The following TENM2 variants were observed in gnomAD, a reference collection of about 807,000 sequenced individuals.
TENM2 encodes the protein teneurin transmembrane protein 2.
A neutral mutation model predicts 245.2 loss-of-function variants in TENM2; 52 were observed. That is an observed-to-expected ratio of 0.21 (90% confidence interval 0.17 to 0.27). The LOEUF is 0.27. Among genes scored for constraint, TENM2 ranks in the 10% least tolerant of loss-of-function variants. The pLI is 1.00. For missense variants in TENM2, 3,046 were observed against 3,666.8 expected, an observed-to-expected ratio of 0.83 and a Z score of 4.37; for synonymous variants, 1,363 against 1,438.9, an observed-to-expected ratio of 0.95 and a Z score of 1.19.
the TENM2 span, among the ~76,000 whole-genome samples, chr5:167,242,815 A>T: frequency 6.6e-6 from 1 of 152,198 alleles, no homozygotes; most frequent in Non-Finnish European, 1.5e-5. Context: ...CAAAAGTAAT[A>T]CACAGACTTT....
At chr5:167,841,388 G>T (rs1331970965) in intron 2 of TENM2, among the ~76,000 whole-genome samples, 1 of 152,034 alleles carries the variant, frequency 6.6e-6, no homozygotes, top group African/African-American at 2.4e-5. Flanking sequence ...TTAACATTTT[G>T]ATATAATTTC....
At chr5:167,821,977 T>A (rs894296665) in intron 2 of TENM2, among the ~76,000 whole-genome samples, 1 of 152,184 alleles carries the variant, frequency 6.6e-6, no homozygotes, top group African/African-American at 2.4e-5. Flanking sequence ...GGAAAAGTTT[T>A]ATCTTCATGG....
chr5:167,770,892 C>T (rs1229199141), intron 2 of TENM2, among the ~76,000 whole-genome samples: 2 of 152,022 alleles, frequency 1.3e-5, no homozygotes. Flanking sequence ...TGGGGAGGAC[C>T]ATGGCTGAGA....
At chr5:167,565,368 C>T (rs1422616613) in intron 2 of TENM2, among the ~76,000 whole-genome samples, 3 of 152,198 alleles carry the variant, frequency 2.0e-5, no homozygotes, top group African/African-American at 2.4e-5. Flanking sequence ...ATATCATCAT[C>T]AGCTAATATT....
chr5:167,261,065 C>A, the TENM2 span, among the ~76,000 whole-genome samples: 2 of 152,292 alleles, frequency 1.3e-5, no homozygotes, highest in African/African-American at 4.8e-5. Context: ...CCAGGACCAG[C>A]TGCATCAGCA....
chr5:167,209,409 G>A, the TENM2 span, among the ~76,000 whole-genome samples: 8 of 151,718 alleles, frequency 5.3e-5, no homozygotes, highest in African/African-American at 7.2e-5. Context: ...GATTACAGGC[G>A]CCTGCCACCA....
intron 2 of TENM2, among the ~76,000 whole-genome samples, chr5:167,832,831 ACGT>A (rs2151100999): frequency 6.6e-6 from 1 of 152,146 alleles, no homozygotes; most frequent in East Asian, 2.0e-4. Context: ...ATTGTGCAAT[ACGT>A]CTTCTCAATT....
the TENM2 span, among the ~76,000 whole-genome samples, chr5:167,158,428 A>T: frequency 1.3e-5 from 2 of 152,002 alleles, no homozygotes; most frequent in East Asian, 1.9e-4. Context: ...ATATCCCTAG[A>T]TCTCATGGTT....
intron 5 of TENM2, among the ~76,000 whole-genome samples, chr5:168,004,825 C>T (rs1352471846): frequency 1.5e-5 from 2 of 135,806 alleles, no homozygotes; most frequent in African/African-American, 2.8e-5. Flanking sequence ...TGCTCTGTCA[C>T]GGTTAATTTT....
chr5:167,963,741 C>T (rs1709587330), intron 4 of TENM2, among the ~76,000 whole-genome samples: 2 of 152,106 alleles, frequency 1.3e-5, no homozygotes, highest in African/African-American at 4.8e-5. Context: ...TTGATGTCCC[C>T]ATCAGTCTTA....
chr5:167,490,878 G>A (rs1768389554), intron 2 of TENM2, among the ~76,000 whole-genome samples: 1 of 152,172 alleles, frequency 6.6e-6, no homozygotes, highest in Admixed American at 6.5e-5. Flanking sequence ...AGGTAAGGTA[G>A]TTAAGTTCAG....
chr5:167,416,406 G>C (rs1167893602), intron 2 of TENM2, among the ~76,000 whole-genome samples: 1 of 152,092 alleles, frequency 6.6e-6, no homozygotes. Flanking sequence ...ACATTGCTGG[G>C]GTTGTTTTGA....
intron 1 of TENM2, among the ~76,000 whole-genome samples, chr5:167,285,271 TCTC>T (rs1485793460): frequency 6.6e-6 from 1 of 152,108 alleles, no homozygotes; most frequent in Non-Finnish European, 1.5e-5. Flanking sequence ...TCAAAACTAT[TCTC>T]CTCATAGTCC....
intron 2 of TENM2, among the ~76,000 whole-genome samples, chr5:167,513,334 T>C (rs1770096066): frequency 6.6e-6 from 1 of 152,132 alleles, no homozygotes; most frequent in African/African-American, 2.4e-5. Flanking sequence ...CAATAAAATA[T>C]AGAATATCAT....
At chr5:167,640,882 T>TATATATATGG (rs1554094286) in intron 2 of TENM2, among the ~76,000 whole-genome samples, 8 of 67,502 alleles carry the variant, frequency 1.2e-4, no homozygotes, top group African/African-American at 7.7e-4. Context: ...TATATATATA[T>TATATATATGG]ATATATATAT....
chr5:168,006,443 C>A (rs1047505444), intron 5 of TENM2, among the ~76,000 whole-genome samples: 2 of 152,134 alleles, frequency 1.3e-5, no homozygotes, highest in Non-Finnish European at 2.9e-5. Flanking sequence ...GCTTTAATGC[C>A]TTCGAATGCA....
chr5:167,551,960 G>A lies in TENM2; in HGVS notation c.502+176487G>A, dbSNP rs181390145. 1.9e-3 allele frequency among the ~76,000 whole-genome samples: 285 copies of A among 152,312 alleles called. 1 individual carries two copies. Among genetic ancestry groups the A allele is most frequent in the African/African-American group, 6.5e-3 (270 of 41,564 alleles). On this transcript the variant is annotated intron_variant, in intron 2 of 28. Transcript: ENST00000518659. ...AACTCCTTCAAGCCAGGCAGTCACAGAAGTTAACAGCTCCTTGGCAATTGT... is the reference window on the plus strand; with the variant it reads ...AACTCCTTCAAGCCAGGCAGTCACAAAAGTTAACAGCTCCTTGGCAATTGT...
At chr5:167,117,141 A>G in the TENM2 span, among the ~76,000 whole-genome samples, 1 of 152,210 alleles carries the variant, frequency 6.6e-6, no homozygotes, top group Admixed American at 6.5e-5. Context: ...AAGACTCTCA[A>G]TAAATATCTG....
At chr5:167,168,213 C>T in the TENM2 span, 2 of 152,258 alleles carry the variant, frequency 1.3e-5, no homozygotes, top group East Asian at 3.9e-4. Flanking sequence ...CCTAGAAGGG[C>T]GAATTTATCT....
Sources: gnomAD v4.1 joint callset for allele counts (sites outside exome capture counted in the v4.1 genomes callset) on GRCh38, gnomAD v4.1.1 for gene constraint, MANE v1.5 for transcripts, NCBI Gene and HGNC (gene_info 2026-07-23, HGNC 2026-07-21) for gene names.